SDK1: variants seen among roughly 807,000 people sequenced by gnomAD.
The protein encoded by SDK1 is protein sidekick-1.
A neutral mutation model predicts 245.5 loss-of-function variants in SDK1; 157 were observed. The observed-to-expected ratio is 0.64, with a 90% CI of 0.56 to 0.73. The LOEUF (loss-of-function observed/expected upper bound fraction) is 0.73, where lower values mean the gene tolerates loss of function less well. Among genes scored for constraint, SDK1 ranks in the 30% least tolerant of loss-of-function variants. SDK1 has a pLI of 0.00. For synonymous variants in SDK1, 1,647 were observed against 1,278.5 expected (o/e 1.29, Z -6.15); for missense variants, 3,583 against 3,002.3 (o/e 1.19, Z -4.52).
intron 25 of SDK1, among the ~76,000 whole-genome samples, chr7:4,116,279 G>C (rs79794465): frequency 0.01 from 1,598 of 152,314 alleles, 29 homozygotes; most frequent in South Asian, 0.079. Flanking sequence ...ATCCGTGCCA[G>C]GTGCTGCAAT....
At chr7:4,113,140 A>C in intron 23 of SDK1, 149 bp from the exon 24 acceptor site, 1 of 847,452 alleles carries the variant, frequency 1.2e-6, no homozygotes, top group South Asian at 1.7e-5. Context: ...ACCAGGTGAA[A>C]AGAGGGTGTC....
intron 22 of SDK1, among the ~76,000 whole-genome samples, chr7:4,092,029 C>T (rs1273949349): frequency 2.0e-5 from 3 of 152,164 alleles, no homozygotes; most frequent in African/African-American, 4.8e-5. Context: ...TAGACACAAG[C>T]AGCACAGGCT....
At chr7:3,585,883 G>C (rs1043782500) in intron 1 of SDK1, among the ~76,000 whole-genome samples, 2 of 152,214 alleles carry the variant, frequency 1.3e-5, no homozygotes, top group East Asian at 1.9e-4. Context: ...GAGGGAAAGA[G>C]ATTAGAAGTA....
At chr7:3,916,055 C>G (rs569906851) in intron 5 of SDK1, among the ~76,000 whole-genome samples, 6 of 152,084 alleles carry the variant, frequency 3.9e-5, no homozygotes, top group Non-Finnish European at 8.8e-5. Context: ...AAAAGAAACA[C>G]AAGTCATAGT....
chr7:4,049,288 T>C, intron 17 of SDK1, 60 bp from the exon 18 acceptor site: 1 of 1,313,506 alleles, frequency 7.6e-7, no homozygotes, highest in South Asian at 1.2e-5. Flanking sequence ...TTTCTGTCTC[T>C]CCACCCCATG....
chr7:3,407,966 G>T (rs1465199236), intron 1 of SDK1, among the ~76,000 whole-genome samples: 2 of 152,266 alleles, frequency 1.3e-5, no homozygotes, highest in South Asian at 4.1e-4. Context: ...GGGCTGGGAA[G>T]CAGAGAGAGA....
chr7:3,310,115 T>G (rs1339392132), intron 1 of SDK1, among the ~76,000 whole-genome samples: 1 of 152,216 alleles, frequency 6.6e-6, no homozygotes, highest in African/African-American at 2.4e-5. Context: ...AGTTTGCTTC[T>G]GTGTCTGTGC....
chr7:3,969,174 A>G (rs749505681), intron 10 of SDK1, 83 bp from the exon 11 acceptor site: 4 of 1,261,512 alleles, frequency 3.2e-6, no homozygotes. Context: ...GAACCATATT[A>G]CTTGCTTATG....
chr7:3,461,127 TAGG>T (rs1480804710), intron 1 of SDK1, among the ~76,000 whole-genome samples: 4 of 152,284 alleles, frequency 2.6e-5, no homozygotes, highest in Middle Eastern at 3.4e-3. Flanking sequence ...ACAAACCAAT[TAGG>T]AGAGCAATCT....
intron 1 of SDK1, among the ~76,000 whole-genome samples, chr7:3,372,896 A>G (rs1781262750): frequency 6.6e-6 from 1 of 152,198 alleles, no homozygotes; most frequent in Non-Finnish European, 1.5e-5. Context: ...TCTGTTTCTT[A>G]TATTCCCAAT....
intron 1 of SDK1, among the ~76,000 whole-genome samples, chr7:3,509,100 A>G (rs957921930): frequency 1.4e-5 from 2 of 139,586 alleles, no homozygotes; most frequent in Non-Finnish European, 3.1e-5. Flanking sequence ...GTGTGTGTGT[A>G]TGTATGTACA....
chr7:3,402,848 C>T (rs1778926165), intron 1 of SDK1, among the ~76,000 whole-genome samples: 1 of 152,138 alleles, frequency 6.6e-6, no homozygotes. Context: ...GATTATTTTG[C>T]ACTTATATAA....
At chr7:3,366,546 T>A (rs1781096817) in intron 1 of SDK1, among the ~76,000 whole-genome samples, 1 of 152,144 alleles carries the variant, frequency 6.6e-6, no homozygotes, top group African/African-American at 2.4e-5. Flanking sequence ...ACGTTCAGTT[T>A]CTTCTGAGGC....
chr7:4,012,219 C>A lies in SDK1; in HGVS notation c.2404C>A (p.Arg802Ser). 6.5e-7 allele frequency: 1 copy of A among 1,527,132 alleles called. No individual in the cohort carries two copies. Among genetic ancestry groups the A allele is most frequent in the Non-Finnish European group, 8.8e-7 (1 of 1,139,328 alleles). The allele number at this position is 1,527,132 out of a possible 1,614,324, so 94.6% of individuals were successfully genotyped here. A position where few individuals can be genotyped will look rare whatever the true frequency, so the allele number is the denominator to read the frequency against. ...AGAAACAGAGCACAACGGGGTGTTG[C>A]GTGGATACATCCTCAGGCAAGTGCC... ...PPETEHNGVL[R>S]GYILRYRLAG... The change falls in exon 16 of 45, where the codon CGT becomes AGT. Residue 802 changes from arginine to serine, a missense_variant. Physicochemically the swap from Arg to Ser is moderately radical, Grantham distance 110 (BLOSUM62 -1). Coordinates refer to ENST00000404826, the MANE Select transcript of SDK1 (RefSeq NM_152744.4).
chr7:3,756,777 T>C (rs1382515274), intron 4 of SDK1, among the ~76,000 whole-genome samples: 1 of 152,124 alleles, frequency 6.6e-6, no homozygotes, highest in Non-Finnish European at 1.5e-5. Flanking sequence ...TCCCTATATT[T>C]GGGTGTATCT....
At chr7:3,572,225 T>A (rs892791860) in intron 1 of SDK1, among the ~76,000 whole-genome samples, 2 of 152,174 alleles carry the variant, frequency 1.3e-5, no homozygotes, top group South Asian at 4.2e-4. Flanking sequence ...CTTTTTAAAA[T>A]TTTTTTGGTC....
At chr7:3,331,187 C>G (rs920203444) in intron 1 of SDK1, among the ~76,000 whole-genome samples, 1 of 152,042 alleles carries the variant, frequency 6.6e-6, no homozygotes, top group African/African-American at 2.4e-5. Flanking sequence ...TCACTTGAAT[C>G]TGGGAGGCAG....
In SDK1 at chr7:4,077,032, C is replaced by A. The variant is rs747743885; in HGVS notation, c.3045C>A (p.Asn1015Lys). 6.2e-7 allele frequency: 1 copy of A among 1,614,112 alleles called. No homozygotes were observed. Among genetic ancestry groups the A allele is most frequent in the Non-Finnish European group, 8.5e-7 (1 of 1,180,024 alleles). ...TCTCTTGGGAAGTGTACGGCAGGAACGACTCTCGTCTCACGCACACCCTGA... is the reference window on the plus strand; with the variant it reads ...TCTCTTGGGAAGTGTACGGCAGGAAAGACTCTCGTCTCACGCACACCCTGA... ...YQISWEVYGR[N>K]DSRLTHTLNS... The change falls in exon 21 of 45, where the codon AAC becomes AAA. Residue 1015 changes from asparagine to lysine, a missense_variant. Asn to Lys is a moderately conservative substitution (Grantham distance 94). Coordinates refer to ENST00000404826, the MANE Select transcript of SDK1 (RefSeq NM_152744.4).
intron 5 of SDK1, among the ~76,000 whole-genome samples, chr7:3,876,803 C>A (rs905225831): frequency 6.6e-6 from 1 of 152,136 alleles, no homozygotes; most frequent in Admixed American, 6.5e-5. Flanking sequence ...GTAGGAGATA[C>A]TAGTTGGGCT....
Sources: allele counts gnomAD v4.1 joint callset (sites outside exome capture counted in the v4.1 genomes callset), GRCh38; gene constraint gnomAD v4.1.1; transcripts MANE v1.5; gene names NCBI Gene and HGNC (gene_info 2026-07-23, HGNC 2026-07-21).